Variants in UVSSA observed in about 807,000 individuals in gnomAD.
The protein encoded by UVSSA is UV stimulated scaffold protein A, also known as UV-stimulated scaffold protein A.
Under a neutral mutation model 73.9 loss-of-function variants are expected in UVSSA, and 72 were observed. The observed-to-expected ratio is 0.97, with a 90% CI of 0.81 to 1.19. UVSSA has a LOEUF of 1.19. UVSSA is among the 50% of genes most tolerant of loss of function. The pLI, the probability that UVSSA is intolerant of heterozygous loss-of-function variation, is 0.00. For synonymous variants in UVSSA, 454 were observed against 391.3 expected, an observed-to-expected ratio of 1.16 and a Z score of -1.89; for missense variants, 1,150 against 965.0, an observed-to-expected ratio of 1.19 and a Z score of -2.54.
intron 13 of UVSSA, chr4:1,385,343 C>T (rs6855435): frequency 0.04 from 6,395 of 160,382 alleles, 449 homozygotes; most frequent in African/African-American, 0.14. Flanking sequence ...TCCACACCCT[C>T]GTGGGTCGCA....
intron 8 of UVSSA, among the ~76,000 whole-genome samples, chr4:1,371,834 G>A (rs951491700): frequency 2.0e-5 from 3 of 152,198 alleles, no homozygotes; most frequent in African/African-American, 7.2e-5. Context: ...GACCATATCA[G>A]ATAGGAAATC....
chr4:1,355,120 T>G lies in UVSSA; in HGVS notation c.1051T>G (p.Phe351Val), dbSNP rs754052923. 9 of 1,613,594 alleles carry G rather than the reference T, an allele frequency of 5.6e-6. No homozygotes were observed. Among genetic ancestry groups the G allele is most frequent in the Admixed American group, 1.7e-5 (1 of 59,998 alleles). Residue 351 changes from phenylalanine to valine, a missense_variant, in exon 7 of 14, where the codon TTC becomes GTC. Phe to Val is a conservative substitution (Grantham distance 50, BLOSUM62 -1). Transcript: ENST00000389851. ...LPAVCSWIQRFTRVGTHGGCL... is the reference protein window; with the variant it reads ...LPAVCSWIQRVTRVGTHGGCL... ...TGTTCGCACCCCCGTTTCGCAGCGC[T>G]TCACCCGCGTCGGGACCCACGGTGG...
In UVSSA at chr4:1,349,751, T is replaced by C; in HGVS notation, c.326T>C (p.Leu109Pro). The C allele has an allele frequency of 6.2e-7, 1 of 1,611,160 alleles. No individual in the cohort carries two copies. Among genetic ancestry groups the C allele is most frequent in the Non-Finnish European group, 8.5e-7 (1 of 1,178,360 alleles). ...LPPPREAAQRLRQATTRAVEG... is the reference protein window; with the variant it reads ...LPPPREAAQRPRQATTRAVEG... ...CCCCCCAGGGAGGCGGCACAGAGGC[T>C]GAGGCAGGCGACCACCCGGGCCGTG... The change falls in exon 3 of 14, where the codon CTG becomes CCG. Residue 109 changes from leucine (L) to proline (P), a missense_variant. Physicochemically the swap from Leu to Pro is moderately conservative, Grantham distance 98. Coordinates refer to ENST00000389851, the MANE Select transcript of UVSSA (RefSeq NM_020894.4).
chr4:1,358,292 G>A (rs1716090587), intron 7 of UVSSA, among the ~76,000 whole-genome samples: 1 of 152,262 alleles, frequency 6.6e-6, no homozygotes, highest in African/African-American at 2.4e-5. Context: ...ACATGGTCTG[G>A]CCAGCAGATG....
chr4:1,348,122 G>A lies in UVSSA; in HGVS notation c.31G>A (p.Glu11Lys). The A allele has an allele frequency of 6.2e-7, 1 of 1,613,858 alleles. No individual in the cohort carries two copies. The highest frequency in any genetic ancestry group is 8.5e-7 in the Non-Finnish European group (1 of 1,179,942). ...TCAGAAACTTTCGAAGTTGGTAGAA[G>A]AGCTCACAACTTCAGGAGAACCCCG... is the stretch of plus-strand genomic sequence containing the variant. MDQKLSKLVE[E>K]LTTSGEPRLN... The change falls in exon 2 of 14, where the codon GAG becomes AAG. Residue 11 changes from glutamate to lysine, a missense_variant. Transcript: ENST00000389851.
chr4:1,363,228 G>C (rs967750099), intron 7 of UVSSA, among the ~76,000 whole-genome samples: 5 of 152,108 alleles, frequency 3.3e-5, no homozygotes, highest in Non-Finnish European at 5.9e-5. Flanking sequence ...AGCCACCCAC[G>C]GACCTGGCCG....
intron 10 of UVSSA, among the ~76,000 whole-genome samples, chr4:1,378,590 A>T (rs1719057594): frequency 6.6e-6 from 1 of 151,908 alleles, no homozygotes; most frequent in Non-Finnish European, 1.5e-5. Flanking sequence ...AGGGGAGTAG[A>T]GGGAAGCATC....
intron 7 of UVSSA, among the ~76,000 whole-genome samples, chr4:1,358,813 T>C (rs2109137112): frequency 6.6e-6 from 1 of 152,346 alleles, no homozygotes; most frequent in South Asian, 2.1e-4. Context: ...AGCACGGGGA[T>C]TGGCGTCGTT....
chr4:1,395,786 T>C lies in UVSSA; in HGVS notation c.*9825T>C, dbSNP rs777449463. ...CTGTTACCGTACATTCTACTCATGG[T>C]GGCTTTTTAATACGTTTTTATGTCA... On this transcript the variant is annotated 3_prime_UTR_variant, in exon 14 of 14. Transcript: ENST00000511216. 18 of 1,614,228 alleles carry C rather than the reference T, an allele frequency of 1.1e-5. No homozygotes were observed. The East Asian group carries it at 4.0e-4, about 36-fold the overall frequency.
intron 12 of UVSSA, among the ~76,000 whole-genome samples, chr4:1,382,617 C>T (rs937724796): frequency 2.6e-5 from 4 of 152,236 alleles, no homozygotes; most frequent in East Asian, 1.9e-4. Context: ...CTCCATTCAC[C>T]GGGTTCCTAA....
rs537973167 is a variant in UVSSA at position 1,386,662 on chromosome 4, A to G, written c.*701A>G. On this transcript the variant is annotated 3_prime_UTR_variant, in exon 14 of 14. Transcript: ENST00000389851. ...GTGTATCTCCTTTGGAGAGGAGTCT[A>G]TTCAAACCTCTTGCCTATTTTTAAT... 3 of 152,262 alleles carry G rather than the reference A, an allele frequency of 2.0e-5. No homozygotes were observed. The highest frequency in any genetic ancestry group is 2.1e-4 in the South Asian group (1 of 4,812). The allele number at this position is 152,262 out of a possible 1,614,324, so 9.4% of individuals were successfully genotyped here. A position where few individuals can be genotyped will look rare whatever the true frequency, so the allele number is the denominator to read the frequency against.
exon 14 of UVSSA, chr4:1,395,573 C>T (rs1375529157): frequency 1.0e-5 from 16 of 1,597,744 alleles, no homozygotes; most frequent in Non-Finnish European, 1.4e-5. Context: ...CCCGCCTGCT[C>T]ACACGTGCCC....
intron 3 of UVSSA, 145 bp downstream of exon 3, chr4:1,349,999 A>AT: frequency 9.1e-6 from 7 of 766,436 alleles, no homozygotes; most frequent in Non-Finnish European, 1.2e-5. Flanking sequence ...CTGCCAGACC[A>AT]TCTGTGGGGT....
rs959242856 is a variant in UVSSA at position 1,361,725 on chromosome 4, G to A, written c.1177-4595G>A. Among the ~76,000 whole-genome samples the A allele has an allele frequency of 5.9e-5, 9 of 152,336 alleles. No homozygotes were observed. The East Asian group carries it at 7.7e-4, about 13-fold the overall frequency. Reference sequence around the variant, plus strand: ...GCATATAAATAGCAGATGCAATGACGACCATCACAGCTGAGCACGTTTAAT... The same window carrying A: ...GCATATAAATAGCAGATGCAATGACAACCATCACAGCTGAGCACGTTTAAT... On this transcript the variant is annotated intron_variant, in intron 7 of 13. Transcript: ENST00000389851.
chr4:1,343,741 C>T (rs918953034), upstream of UVSSA, among the ~76,000 whole-genome samples: 6 of 152,030 alleles, frequency 3.9e-5, no homozygotes, highest in South Asian at 2.1e-4. Context: ...GAGCCAAGAT[C>T]GCACCATTGC....
chr4:1,354,795 C>G lies in UVSSA; in HGVS notation c.995C>G (p.Thr332Arg), dbSNP rs890028432. ...NLALIHAARDTLKLIRNKFLP... is the reference protein window; with the variant it reads ...NLALIHAARDRLKLIRNKFLP... The stretch of plus-strand genomic sequence containing the variant: ...GCTCTCATCCACGCCGCCCGCGACA[C>G]ACTCAAGCTCATCCGGAACAAGTTC... Residue 332 changes from threonine to arginine, a missense_variant, in exon 6 of 14, where the codon ACA becomes AGA. By Grantham distance (71) the Thr-to-Arg change is moderately conservative (BLOSUM62 -1). Transcript: ENST00000389851. 2 of 1,613,506 alleles carry G rather than the reference C, an allele frequency of 1.2e-6. No homozygotes were observed. The highest frequency in any genetic ancestry group is 1.6e-4 in the Middle Eastern group (1 of 6,084).
chr4:1,375,427 A>T lies in UVSSA; in HGVS notation c.1352A>T (p.Asp451Val). ...VRCLRTRTRM[D>V]EEVSDPTSAA... The stretch of plus-strand genomic sequence containing the variant: ...TGCTTGCGGACGAGGACGAGGATGG[A>T]CGAGGAGGTGTCGGACCCCACCTCT... The change falls in exon 9 of 14, where the codon GAC (aspartate) becomes GTC (valine). Residue 451 changes from aspartate to valine, a missense_variant. Transcript: ENST00000389851. 2 of 1,613,464 alleles carry T rather than the reference A, an allele frequency of 1.2e-6. No homozygotes were observed. The highest frequency in any genetic ancestry group is 1.7e-6 in the Non-Finnish European group (2 of 1,180,008).
In UVSSA at chr4:1,354,851, A is replaced by G; in HGVS notation, c.1047+4A>G. ...GGCTGTGTGCTCGTGGATCCAGGTG[A>G]GCCTCGAACCTGGGACCTGTGGGTG... On this transcript the variant is annotated splice_donor_region_variant and intron_variant, in intron 6 of 13. Transcript: ENST00000389851. 6.3e-7 allele frequency: 1 copy of G among 1,591,162 alleles called. No homozygotes were observed.
chr4:1,351,975 G>C, intron 4 of UVSSA, 140 bp downstream of exon 4: 1 of 1,364,654 alleles, frequency 7.3e-7, no homozygotes, highest in Non-Finnish European at 9.8e-7. Context: ...TTCAGGTCGG[G>C]CCGGAAGGCG....
Sources: gnomAD v4.1 joint callset for allele counts (sites outside exome capture counted in the v4.1 genomes callset) on GRCh38, gnomAD v4.1.1 for gene constraint, MANE v1.5 for transcripts, NCBI Gene and HGNC (gene_info 2026-07-23, HGNC 2026-07-21) for gene names.